The following CHST11 variants were observed in gnomAD, a reference collection of about 807,000 sequenced individuals.
CHST11 encodes the protein carbohydrate sulfotransferase 11, also known as C4S-1.
A neutral mutation model predicts 30.4 loss-of-function variants in CHST11; 9 were observed. The ratio of observed to expected loss-of-function variants is 0.30; its 90% CI spans 0.18 to 0.52. CHST11 has a LOEUF of 0.52. Among genes scored for constraint, CHST11 ranks in the 20% least tolerant of loss-of-function variants. CHST11 has a pLI of 0.97. For synonymous variants in CHST11, 152 were observed against 187.8 expected (o/e 0.81, Z 1.56); for missense variants, 348 against 460.6 (o/e 0.76, Z 2.24).
intron 2 of CHST11, among the ~76,000 whole-genome samples, chr12:104,704,705 C>T (rs1279325909): frequency 6.6e-6 from 1 of 152,172 alleles, no homozygotes; most frequent in East Asian, 1.9e-4. Context: ...TAACCAAAAT[C>T]ATGCTGCTGA....
chr12:104,611,544 C>T (rs2039059637), intron 2 of CHST11, among the ~76,000 whole-genome samples: 1 of 152,230 alleles, frequency 6.6e-6, no homozygotes, highest in Admixed American at 6.5e-5. Context: ...GGGCCAGCCC[C>T]AGAAAAGGTA....
intron 2 of CHST11, among the ~76,000 whole-genome samples, chr12:104,650,541 ACT>A (rs1479005478): frequency 1.3e-5 from 2 of 151,580 alleles, no homozygotes; most frequent in Non-Finnish European, 2.9e-5. Context: ...GGTCACCAGA[ACT>A]CTCTGCTTAT....
intron 1 of CHST11, among the ~76,000 whole-genome samples, chr12:104,583,405 G>C (rs73386220): frequency 0.024 from 3,667 of 152,222 alleles, 142 homozygotes; most frequent in South Asian, 0.08. Flanking sequence ...GGGAAGCAGG[G>C]AGTGAGGGAG....
intron 2 of CHST11, among the ~76,000 whole-genome samples, chr12:104,708,985 G>A (rs949955372): frequency 2.6e-5 from 4 of 152,082 alleles, no homozygotes; most frequent in Non-Finnish European, 5.9e-5. Context: ...CATGGGGCAA[G>A]GAATGGGGAT....
intron 2 of CHST11, among the ~76,000 whole-genome samples, chr12:104,655,891 G>A (rs1020877995): frequency 6.6e-6 from 1 of 152,146 alleles, no homozygotes; most frequent in Non-Finnish European, 1.5e-5. Context: ...AGTCAAAGTT[G>A]GAGTTACTCT....
intron 1 of CHST11, among the ~76,000 whole-genome samples, chr12:104,506,684 G>C (rs1882497): frequency 2.6e-5 from 4 of 152,012 alleles, no homozygotes; most frequent in Admixed American, 6.5e-5. Context: ...GTGTCCGACA[G>C]AGATGGAAAC....
intron 2 of CHST11, among the ~76,000 whole-genome samples, chr12:104,747,197 G>A (rs993428403): frequency 6.6e-6 from 1 of 152,198 alleles, no homozygotes; most frequent in South Asian, 2.1e-4. Flanking sequence ...CGCCTCCAGC[G>A]GCTGCCCGGG....
intron 2 of CHST11, among the ~76,000 whole-genome samples, chr12:104,677,059 C>T (rs1446206594): frequency 1.3e-5 from 2 of 152,198 alleles, no homozygotes; most frequent in Admixed American, 1.3e-4. Context: ...CTCCTTTCCT[C>T]ATCTGAAGAA....
intron 1 of CHST11, among the ~76,000 whole-genome samples, chr12:104,465,375 G>A (rs2037447550): frequency 6.6e-6 from 1 of 152,208 alleles, no homozygotes; most frequent in Non-Finnish European, 1.5e-5. Context: ...AGGGTGGGAA[G>A]TAAGTGATTT....
intron 1 of CHST11, among the ~76,000 whole-genome samples, chr12:104,583,700 T>C (rs908920030): frequency 5.8e-5 from 8 of 138,250 alleles, no homozygotes; most frequent in African/African-American, 2.2e-4. Context: ...CCTTGTGCTC[T>C]CAGTTTTCAA....
At chr12:104,532,341 T>C (rs1449707160) in intron 1 of CHST11, among the ~76,000 whole-genome samples, 1 of 124,868 alleles carries the variant, frequency 8.0e-6, no homozygotes, top group Non-Finnish European at 1.6e-5. Flanking sequence ...GTTATAAGAA[T>C]GAGCCAAAGA....
intron 1 of CHST11, among the ~76,000 whole-genome samples, chr12:104,486,592 TCTAGA>T (rs1362300153): frequency 5.3e-5 from 8 of 152,148 alleles, no homozygotes; most frequent in African/African-American, 1.7e-4. Flanking sequence ...GGTGAGATTG[TCTAGA>T]AGGGTGTGTT....
At chr12:104,683,434 A>G (rs892434592) in intron 2 of CHST11, among the ~76,000 whole-genome samples, 2 of 152,166 alleles carry the variant, frequency 1.3e-5, no homozygotes, top group African/African-American at 2.4e-5. Flanking sequence ...AGGTGGCCCT[A>G]TGGTTTTGTT....
chr12:104,655,261 C>T (rs2039532933), intron 2 of CHST11, among the ~76,000 whole-genome samples: 2 of 152,362 alleles, frequency 1.3e-5, no homozygotes, highest in Admixed American at 1.3e-4. Context: ...GTACAAATCC[C>T]CCTGACCTTC....
intron 2 of CHST11, among the ~76,000 whole-genome samples, chr12:104,746,729 G>A (rs77237190): frequency 0.016 from 2,468 of 152,278 alleles, 55 homozygotes; most frequent in African/African-American, 0.056. Flanking sequence ...TTAACATGAA[G>A]CCACTTCTTT....
intron 2 of CHST11, among the ~76,000 whole-genome samples, chr12:104,687,079 T>C (rs1482421689): frequency 6.6e-6 from 1 of 152,274 alleles, no homozygotes; most frequent in Non-Finnish European, 1.5e-5. Flanking sequence ...TCTGTATAGA[T>C]GCCACAAACC....
chr12:104,488,658 T>C lies in CHST11; in HGVS notation c.118+31129T>C, dbSNP rs532897667. On this transcript the variant is annotated intron_variant, in intron 1 of 2. Transcript: ENST00000303694. ...GTGTGCGTGTGTATGTGTGTGTGTA[T>C]GTGTGCGTGTATGTGTATGCGTCTG... Among the ~76,000 whole-genome samples, 337 of 151,576 alleles carry C rather than the reference T, an allele frequency of 2.2e-3. 3 individuals are homozygous for C. The highest frequency in any genetic ancestry group is 7.7e-3 in the African/African-American group (316 of 41,198).
chr12:104,573,391 C>T (rs375439197), intron 1 of CHST11, among the ~76,000 whole-genome samples: 7 of 150,026 alleles, frequency 4.7e-5, no homozygotes, highest in Non-Finnish European at 7.4e-5. Flanking sequence ...AAAAAGAGCC[C>T]GCATTGCCAA....
intron 1 of CHST11, among the ~76,000 whole-genome samples, chr12:104,502,044 T>TC (rs397760310): frequency 6.7e-5 from 10 of 149,724 alleles, no homozygotes; most frequent in Admixed American, 3.3e-4. Flanking sequence ...TTTTTTTTTT[T>TC]CTAGGACAGT....
Sources: gnomAD v4.1 joint callset for allele counts (sites outside exome capture counted in the v4.1 genomes callset) on GRCh38, gnomAD v4.1.1 for gene constraint, MANE v1.5 for transcripts, NCBI Gene and HGNC (gene_info 2026-07-23, HGNC 2026-07-21) for gene names.